The following TMCC1 variants were observed in gnomAD, a reference collection of about 807,000 sequenced individuals.
The protein encoded by TMCC1 is transmembrane and coiled-coil domains protein 1.
A neutral mutation model predicts 52.4 loss-of-function variants in TMCC1; 15 were observed. The ratio of observed to expected loss-of-function variants is 0.29; its 90% CI spans 0.19 to 0.44. The LOEUF (loss-of-function observed/expected upper bound fraction) is 0.44, where lower values mean the gene tolerates loss of function less well. Ranked by LOEUF, TMCC1 falls within the 20% of genes least tolerant of loss-of-function variation. The pLI is 1.00. For synonymous variants in TMCC1, 279 were observed against 301.9 expected, an observed-to-expected ratio of 0.92 and a Z score of 0.79; for missense variants, 503 against 806.0, an observed-to-expected ratio of 0.62 and a Z score of 4.55.
At chr3:129,688,695 TGC>T in intron 4 of TMCC1, 1 of 985,462 alleles carries the variant, frequency 1.0e-6, no homozygotes, top group Non-Finnish European at 1.2e-6. Context: ...TCCGTGTGTG[TGC>T]GCGCGCACGC....
At chr3:129,813,633 G>C (rs1307575424) in intron 4 of TMCC1, among the ~76,000 whole-genome samples, 2 of 152,168 alleles carry the variant, frequency 1.3e-5, no homozygotes, top group East Asian at 3.9e-4. Context: ...ACAGACACCA[G>C]GGCCTACTTG....
At chr3:129,834,414 A>C (rs2059061736) in intron 2 of TMCC1, among the ~76,000 whole-genome samples, 1 of 152,222 alleles carries the variant, frequency 6.6e-6, no homozygotes, top group Non-Finnish European at 1.5e-5. Context: ...ACTTAGGTGA[A>C]CATTATCTCT....
intron 4 of TMCC1, among the ~76,000 whole-genome samples, chr3:129,768,003 C>T (rs975319959): frequency 1.3e-5 from 2 of 152,180 alleles, no homozygotes; most frequent in Non-Finnish European, 2.9e-5. Context: ...CCAGCCTGGT[C>T]AACATGGTGA....
intron 4 of TMCC1, among the ~76,000 whole-genome samples, chr3:129,732,353 G>T (rs903283517): frequency 3.3e-5 from 5 of 152,128 alleles, no homozygotes; most frequent in Non-Finnish European, 5.9e-5. Context: ...TCTTTGCAGT[G>T]CTTTTTGGAT....
intron 4 of TMCC1, among the ~76,000 whole-genome samples, chr3:129,807,576 C>T (rs183531411): frequency 8.5e-5 from 13 of 152,132 alleles, no homozygotes; most frequent in Admixed American, 8.5e-4. Flanking sequence ...TTCAGGACAA[C>T]AGAGACAAAG....
chr3:129,712,525 G>A (rs2048776671), intron 4 of TMCC1, among the ~76,000 whole-genome samples: 2 of 152,112 alleles, frequency 1.3e-5, no homozygotes, highest in African/African-American at 2.4e-5. Flanking sequence ...ACCACTCATT[G>A]CAGCTTCGAC....
intron 1 of TMCC1, among the ~76,000 whole-genome samples, chr3:129,881,015 C>T (rs946577285): frequency 1.3e-5 from 2 of 152,004 alleles, no homozygotes; most frequent in Non-Finnish European, 1.5e-5. Flanking sequence ...AGGCGCTTAC[C>T]ACCATGCCAG....
At chr3:129,728,659 T>C (rs1466254625) in intron 4 of TMCC1, among the ~76,000 whole-genome samples, 1 of 152,198 alleles carries the variant, frequency 6.6e-6, no homozygotes, top group Non-Finnish European at 1.5e-5. Flanking sequence ...CTATGAATTT[T>C]AAAACATGCA....
intron 2 of TMCC1, among the ~76,000 whole-genome samples, chr3:129,869,644 T>C (rs2060822536): frequency 6.6e-6 from 1 of 152,176 alleles, no homozygotes. Flanking sequence ...AGGTGTGGTA[T>C]GGAAAAACCC....
chr3:129,816,858 T>C (rs1576963685), intron 4 of TMCC1, among the ~76,000 whole-genome samples: 1 of 151,328 alleles, frequency 6.6e-6, no homozygotes, highest in Non-Finnish European at 1.5e-5. Context: ...ACCCCATTTC[T>C]AGAAAAAATA....
chr3:129,691,907 A>G (rs144147872), intron 4 of TMCC1, among the ~76,000 whole-genome samples: 24 of 152,358 alleles, frequency 1.6e-4, no homozygotes, highest in African/African-American at 4.3e-4. Flanking sequence ...ACAGAGCTAA[A>G]TAAGCACATA....
At chr3:129,663,436 C>T (rs1372804027) in intron 5 of TMCC1, among the ~76,000 whole-genome samples, 1 of 152,130 alleles carries the variant, frequency 6.6e-6, no homozygotes, top group Admixed American at 6.6e-5. Context: ...CAGTGTTTGA[C>T]CAGAGTAGAG....
intron 4 of TMCC1, among the ~76,000 whole-genome samples, chr3:129,731,819 T>C (rs2050569842): frequency 6.6e-6 from 1 of 151,924 alleles, no homozygotes; most frequent in East Asian, 1.9e-4. Flanking sequence ...GAGACAGGGT[T>C]TTGCCATGCT....
At chr3:129,782,399 T>C (rs560739944) in intron 4 of TMCC1, among the ~76,000 whole-genome samples, 2 of 152,108 alleles carry the variant, frequency 1.3e-5, no homozygotes, top group East Asian at 3.8e-4. Flanking sequence ...AGTGTTTCAC[T>C]GAGGAGGGAA....
chr3:129,861,828 C>G (rs530220298), intron 2 of TMCC1, among the ~76,000 whole-genome samples: 5 of 152,152 alleles, frequency 3.3e-5, no homozygotes, highest in Non-Finnish European at 7.3e-5. Context: ...AAATGTTAAA[C>G]ATAAAAGAGT....
chr3:129,890,561 A>T (rs566729939), intron 1 of TMCC1, among the ~76,000 whole-genome samples: 1 of 152,338 alleles, frequency 6.6e-6, no homozygotes, highest in South Asian at 2.1e-4. Context: ...ATAAAAATAG[A>T]ATTAAACCCT....
At chr3:129,784,134 T>G (rs2055774764) in intron 4 of TMCC1, among the ~76,000 whole-genome samples, 1 of 152,142 alleles carries the variant, frequency 6.6e-6, no homozygotes, top group South Asian at 2.1e-4. Flanking sequence ...AAAGTTTTGA[T>G]TATTCCTTAT....
chr3:129,700,368 A>G (rs2047730763), intron 4 of TMCC1, among the ~76,000 whole-genome samples: 1 of 152,228 alleles, frequency 6.6e-6, no homozygotes, highest in South Asian at 2.1e-4. Context: ...TACAAACCTA[A>G]TACTAGTCAT....
At chr3:129,687,824 C>T (rs1157975368) in intron 4 of TMCC1, among the ~76,000 whole-genome samples, 2 of 152,148 alleles carry the variant, frequency 1.3e-5, no homozygotes, top group Non-Finnish European at 2.9e-5. Flanking sequence ...AACTCTATAA[C>T]AGGAGGAAGG....
Sources: gnomAD v4.1 joint callset for allele counts (sites outside exome capture counted in the v4.1 genomes callset) on GRCh38, gnomAD v4.1.1 for gene constraint, MANE v1.5 for transcripts, NCBI Gene and HGNC (gene_info 2026-07-23, HGNC 2026-07-21) for gene names.